The following OR5M10 variants were observed in gnomAD, a reference collection of about 807,000 sequenced individuals.
The protein encoded by OR5M10 is olfactory receptor family 5 subfamily M member 10.
For synonymous variants in OR5M10, 149 were observed against 144.8 expected (o/e 1.03, Z -0.21); for missense variants, 387 against 376.4 (o/e 1.03, Z -0.23).
In OR5M10 at chr11:56,577,671, C is replaced by G; in HGVS notation, c.51G>C (p.Leu17=). The G allele has an allele frequency of 1.2e-6, 2 of 1,613,630 alleles. No homozygotes were observed. Among genetic ancestry groups the G allele is most frequent in the South Asian group, 1.1e-5 (1 of 91,072 alleles). The change falls in exon 1 of 1, where the codon CTG becomes CTC. Residue 17 remains leucine, a synonymous_variant. Coordinates refer to ENST00000526538, the MANE Select transcript of OR5M10 (RefSeq NM_001004741.1). Reference sequence around the variant, plus strand: ...TCTTCTCTAGCACTGGGTCGTCTGTCAGTCCTAAGAGAATGAATTCTGTCA... The same window carrying G: ...TCTTCTCTAGCACTGGGTCGTCTGTGAGTCCTAAGAGAATGAATTCTGTCA... The part of the protein sequence containing the change: ...TIVTEFILLG[L]TDDPVLEKIL...
Position 56,577,536 on chromosome 11 carries a change from G to A in OR5M10, c.186C>T (p.Phe62=), listed in dbSNP as rs765326220. 1.9e-6 allele frequency: 3 copies of A among 1,613,660 alleles called. No individual in the cohort carries two copies. The highest frequency in any genetic ancestry group is 1.1e-5 in the South Asian group (1 of 91,074). Residue 62 remains phenylalanine (F), a synonymous_variant, in exon 1 of 1, where the codon TTC becomes TTT. Coordinates refer to ENST00000526538, the MANE Select transcript of OR5M10 (RefSeq NM_001004741.1). ...NSQLQTPMYF[F]LGHLSFVDIC... ...TGTCTACAAAGGAGAGGTGACCAAG[G>A]AAGAAATACATGGGTGTTTGCAGTT...
chr11:56,576,835 T>G lies in OR5M10; in HGVS notation c.887A>C (p.Asp296Ala), dbSNP rs761080585. 4.6e-5 allele frequency: 75 copies of G among 1,613,772 alleles called. No homozygotes were observed. The highest frequency in any genetic ancestry group is 6.4e-5 in the Non-Finnish European group (75 of 1,179,852). The change falls in exon 1 of 1, where the codon GAT becomes GCT. Residue 296 changes from aspartate to alanine, a missense_variant. Transcript: ENST00000526538. ...CATTTGTTGTATGGCAAGGATTACA[T>G]CTCTGTTCCGTAGGCTATAGATCAA... ...NPLIYSLRNR[D>A]VILAIQQMIR...
rs1351883333 is a variant in OR5M10, at chr11:56,576,795, G to T, written c.927C>A (p.Ser309=). Residue 309 remains serine (S), a synonymous_variant, in exon 1 of 1, where the codon TCC becomes TCA. Transcript: ENST00000526538. ...LAIQQMIRGK[S]FCKIAV is the part of the protein sequence containing the mutation. ...AGGCCTAAACTGCAATTTTACAAAA[G>T]GATTTTCCCCTAATCATTTGTTGTA... 6.2e-7 allele frequency: 1 copy of T among 1,610,106 alleles called. No individual in the cohort carries two copies. Among genetic ancestry groups the T allele is most frequent in the East Asian group, 2.2e-5 (1 of 44,858 alleles).
chr11:56,577,072 G>A lies in OR5M10; in HGVS notation c.650C>T (p.Ser217Phe). The stretch of plus-strand genomic sequence containing the variant: ...GATCGCTGCAAAAATGAAAAGATAG[G>A]ACAGAAGAATGATGAAGAGAGAGCT... ...LSSSLFIILL[S>F]YLFIFAAIFR... is the part of the protein sequence containing the mutation. The change falls in exon 1 of 1, where the codon TCC becomes TTC. Residue 217 changes from serine to phenylalanine, a missense_variant. Transcript: ENST00000526538. 1 of 1,613,796 alleles carries A rather than the reference G, an allele frequency of 6.2e-7. No individual in the cohort carries two copies. Among genetic ancestry groups the A allele is most frequent in the Non-Finnish European group, 8.5e-7 (1 of 1,179,848 alleles).
In OR5M10 at chr11:56,576,909, G is replaced by C. The variant is rs759747977; in HGVS notation, c.813C>G (p.Ser271=). The change falls in exon 1 of 1, where the codon TCC becomes TCG. Residue 271 remains serine, a synonymous_variant. Transcript: ENST00000526538. ...AAGTATAAAAGACTGCAATTATTTT[G>C]GACTCCTCTACAGACTTCTCTGATG... ...RPPSEKSVEE[S]KIIAVFYTFL... 50 of 1,613,724 alleles carry C rather than the reference G, an allele frequency of 3.1e-5. No individual in the cohort carries two copies. Among genetic ancestry groups the C allele is most frequent in the Non-Finnish European group, 1.7e-6 (2 of 1,179,892 alleles).
Position 56,577,036 on chromosome 11 carries a change from C to G in OR5M10, c.686G>C (p.Arg229Pro). Residue 229 changes from arginine (R) to proline (P), a missense_variant, in exon 1 of 1, where the codon CGT becomes CCT. Coordinates refer to ENST00000526538, the MANE Select transcript of OR5M10 (RefSeq NM_001004741.1). ...LFIFAAIFRI[R>P]SAEGRHKAFS... ...GGCTTTGTGCCTGCCTTCAGCAGAA[C>G]GGATCCTGAAGATCGCTGCAAAAAT... 1.9e-6 allele frequency: 3 copies of G among 1,613,694 alleles called. No individual in the cohort carries two copies. Among genetic ancestry groups the G allele is most frequent in the Non-Finnish European group, 2.5e-6 (3 of 1,179,874 alleles).
In OR5M10 at chr11:56,577,532, C is replaced by T. The variant is rs1853271241; in HGVS notation, c.190G>A (p.Gly64Ser). 1.2e-6 allele frequency: 2 copies of T among 1,613,426 alleles called. No individual in the cohort carries two copies. The highest frequency in any genetic ancestry group is 1.3e-5 in the African/African-American group (1 of 74,744). ...CAAATGTCTACAAAGGAGAGGTGAC[C>T]AAGGAAGAAATACATGGGTGTTTGC... ...QLQTPMYFFL[G>S]HLSFVDICYS... Residue 64 changes from glycine (G) to serine (S), a missense_variant, in exon 1 of 1, where the codon GGT becomes AGT. Physicochemically the swap from Gly to Ser is moderately conservative, Grantham distance 56. Coordinates refer to ENST00000526538, the MANE Select transcript of OR5M10 (RefSeq NM_001004741.1).
rs752805724 is a variant in OR5M10, at chr11:56,577,357, C to A, written c.365G>T (p.Arg122Leu). 2.5e-6 allele frequency: 4 copies of A among 1,612,952 alleles called. No individual in the cohort carries two copies. The highest frequency in any genetic ancestry group is 1.1e-5 in the South Asian group (1 of 91,046). Residue 122 changes from arginine to leucine, a missense_variant, in exon 1 of 1, where the codon CGC becomes CTC. Physicochemically the swap from Arg to Leu is moderately radical, Grantham distance 102. Transcript: ENST00000526538. ...TAAAGGGCTGCAAATGGCTACATAG[C>A]GATCCAATGCCATTGAAGCAAGGAA... ...FYFLASMALD[R>L]YVAICSPLHY...
In OR5M10 at chr11:56,577,067, G is replaced by T. The variant is rs1347109075; in HGVS notation, c.655C>A (p.Leu219Ile). The change falls in exon 1 of 1, where the codon CTT becomes ATT. Residue 219 changes from leucine to isoleucine, a missense_variant. Coordinates refer to ENST00000526538, the MANE Select transcript of OR5M10 (RefSeq NM_001004741.1). Reference protein sequence around the residue: ...SSLFIILLSYLFIFAAIFRIR... With the variant: ...SSLFIILLSYIFIFAAIFRIR... ...CTGAAGATCGCTGCAAAAATGAAAAGATAGGACAGAAGAATGATGAAGAGA... is the reference window on the plus strand; with the variant it reads ...CTGAAGATCGCTGCAAAAATGAAAATATAGGACAGAAGAATGATGAAGAGA... The T allele has an allele frequency of 6.2e-7, 1 of 1,613,700 alleles. No homozygotes were observed. The highest frequency in any genetic ancestry group is 8.5e-7 in the Non-Finnish European group (1 of 1,179,862).
At position 56,577,376 on chromosome 11, in the gene OR5M10, C is replaced by A; in HGVS notation, c.346G>T (p.Ala116Ser). Residue 116 changes from alanine to serine, a missense_variant, in exon 1 of 1, where the codon GCT becomes TCT. Coordinates refer to ENST00000526538, the MANE Select transcript of OR5M10 (RefSeq NM_001004741.1). ...ACATAGCGATCCAATGCCATTGAAG[C>A]AAGGAAGTAAAACTCAGTGATCACT... ...ALVITEFYFL[A>S]SMALDRYVAI... is the part of the protein sequence containing the mutation. 1 of 1,582,982 alleles carries A rather than the reference C, an allele frequency of 6.3e-7. No individual in the cohort carries two copies. Among genetic ancestry groups the A allele is most frequent in the Non-Finnish European group, 8.6e-7 (1 of 1,156,426 alleles).
Position 56,577,607 on chromosome 11 carries a change from G to T in OR5M10, c.115C>A (p.Leu39Met). 1 of 1,613,648 alleles carries T rather than the reference G, an allele frequency of 6.2e-7. No homozygotes were observed. Among genetic ancestry groups the T allele is most frequent in the Middle Eastern group, 1.7e-4 (1 of 6,056 alleles). Residue 39 changes from leucine to methionine, a missense_variant, in exon 1 of 1, where the codon CTG becomes ATG. Physicochemically the swap from Leu to Met is conservative, Grantham distance 15 (BLOSUM62 2). Transcript: ENST00000526538. ...GVFLAIYLIT[L>M]AGNLCMILLI... ...AGGATCATGCACAGGTTGCCTGCCA[G>T]TGTGATTAGGTAGATCGCCAGGAAC... is the stretch of plus-strand genomic sequence containing the variant.
At position 56,576,930 on chromosome 11, in the gene OR5M10, T is replaced by A; in HGVS notation, c.792A>T (p.Ser264=). Residue 264 remains serine (S), a synonymous_variant, in exon 1 of 1, where the codon TCA becomes TCT. Transcript: ENST00000526538. The stretch of plus-strand genomic sequence containing the variant: ...TTTTGGACTCCTCTACAGACTTCTC[T>A]GATGGAGGCCTTACGTACATGCAGA... ...TLFCMYVRPP[S]EKSVEESKII... 1 of 1,613,916 alleles carries A rather than the reference T, an allele frequency of 6.2e-7. No homozygotes were observed. The highest frequency in any genetic ancestry group is 8.5e-7 in the Non-Finnish European group (1 of 1,179,876).
Position 56,577,319 on chromosome 11 carries a change from T to C in OR5M10, c.403A>G (p.Arg135Gly), listed in dbSNP as rs1166465343. 7 of 1,613,842 alleles carry C rather than the reference T, an allele frequency of 4.3e-6. No individual in the cohort carries two copies. In the East Asian group the frequency reaches 6.7e-5, roughly 15 times the overall value. Reference protein sequence around the residue: ...AICSPLHYSSRMSKNICISLV... With the variant: ...AICSPLHYSSGMSKNICISLV... Reference sequence around the variant, plus strand: ...GAGATGCAAATGTTCTTGGACATCCTGGAACTGTAATGTAAAGGGCTGCAA... The same window carrying C: ...GAGATGCAAATGTTCTTGGACATCCCGGAACTGTAATGTAAAGGGCTGCAA... The change falls in exon 1 of 1, where the codon AGG (arginine) becomes GGG (glycine). Residue 135 changes from arginine to glycine, a missense_variant. Arg to Gly is a moderately radical substitution (Grantham distance 125). Coordinates refer to ENST00000526538, the MANE Select transcript of OR5M10 (RefSeq NM_001004741.1).
In OR5M10 at chr11:56,576,898, G is replaced by A. The variant is rs762888666; in HGVS notation, c.824C>T (p.Ala275Val). 3.0e-5 allele frequency: 48 copies of A among 1,613,754 alleles called. No individual in the cohort carries two copies. Among genetic ancestry groups the A allele is most frequent in the Non-Finnish European group, 6.8e-6 (8 of 1,179,900 alleles). Reference protein sequence around the residue: ...EKSVEESKIIAVFYTFLSPML... With the variant: ...EKSVEESKIIVVFYTFLSPML... ...TGGGCTCAAAAAAGTATAAAAGACTGCAATTATTTTGGACTCCTCTACAGA... is the reference window on the plus strand; with the variant it reads ...TGGGCTCAAAAAAGTATAAAAGACTACAATTATTTTGGACTCCTCTACAGA... Residue 275 changes from alanine (A) to valine (V), a missense_variant, in exon 1 of 1, where the codon GCA becomes GTA. Transcript: ENST00000526538.
At position 56,576,903 on chromosome 11, in the gene OR5M10, T is replaced by G; in HGVS notation, c.819A>C (p.Ile273=). 1.2e-6 allele frequency: 2 copies of G among 1,613,876 alleles called. No individual in the cohort carries two copies. The highest frequency in any genetic ancestry group is 1.7e-6 in the Non-Finnish European group (2 of 1,179,890). ...TCAAAAAAGTATAAAAGACTGCAAT[T>G]ATTTTGGACTCCTCTACAGACTTCT... ...PSEKSVEESK[I]IAVFYTFLSP... Residue 273 remains isoleucine (I), a synonymous_variant, in exon 1 of 1, where the codon ATA becomes ATC. Transcript: ENST00000526538.
rs986344158 is a variant in OR5M10, at chr11:56,577,351, A to G, written c.371T>C (p.Val124Ala). 6.2e-7 allele frequency: 1 copy of G among 1,613,428 alleles called. No homozygotes were observed. The highest frequency in any genetic ancestry group is 8.5e-7 in the Non-Finnish European group (1 of 1,179,590). The stretch of plus-strand genomic sequence containing the variant: ...GTAATGTAAAGGGCTGCAAATGGCT[A>G]CATAGCGATCCAATGCCATTGAAGC... Reference protein sequence around the residue: ...FLASMALDRYVAICSPLHYSS... With the variant: ...FLASMALDRYAAICSPLHYSS... The change falls in exon 1 of 1, where the codon GTA (valine) becomes GCA (alanine). Residue 124 changes from valine (V) to alanine (A), a missense_variant. Val to Ala is a moderately conservative substitution (Grantham distance 64). Coordinates refer to ENST00000526538, the MANE Select transcript of OR5M10 (RefSeq NM_001004741.1).
Position 56,577,216 on chromosome 11 carries a change from C to T in OR5M10, c.506G>A (p.Cys169Tyr). 1 of 1,613,776 alleles carries T rather than the reference C, an allele frequency of 6.2e-7. No homozygotes were observed. The highest frequency in any genetic ancestry group is 1.1e-5 in the South Asian group (1 of 91,080). Residue 169 changes from cysteine (C) to tyrosine (Y), a missense_variant, in exon 1 of 1, where the codon TGT becomes TAT. Coordinates refer to ENST00000526538, the MANE Select transcript of OR5M10 (RefSeq NM_001004741.1). ...GAAATGATTGATTTCAAGGGAGCCA[C>T]AGAAGGATAAGTGAAAGGTCAGCAG... ...QTLLTFHLSF[C>Y]GSLEINHFYC... is the part of the protein sequence containing the mutation.
Position 56,577,232 on chromosome 11 carries a change from A to G in OR5M10, c.490T>C (p.Phe164Leu), listed in dbSNP as rs376799561. 4 of 1,613,824 alleles carry G rather than the reference A, an allele frequency of 2.5e-6. No individual in the cohort carries two copies. The highest frequency in any genetic ancestry group is 2.7e-5 in the African/African-American group (2 of 74,840). Residue 164 changes from phenylalanine (F) to leucine (L), a missense_variant, in exon 1 of 1, where the codon TTT becomes CTT. Transcript: ENST00000526538. ...LNGLSQTLLT[F>L]HLSFCGSLEI... ...AGGGAGCCACAGAAGGATAAGTGAAAGGTCAGCAGTGTCTGAGAGAGCCCA... is the reference window on the plus strand; with the variant it reads ...AGGGAGCCACAGAAGGATAAGTGAAGGGTCAGCAGTGTCTGAGAGAGCCCA...
At position 56,576,789 on chromosome 11, in the gene OR5M10, A is replaced by G. The variant is rs751338495; in HGVS notation, c.933T>C (p.Cys311=). ...IQQMIRGKSF[C]KIAV Reference sequence around the variant, plus strand: ...AAACACAGGCCTAAACTGCAATTTTACAAAAGGATTTTCCCCTAATCATTT... The same window carrying G: ...AAACACAGGCCTAAACTGCAATTTTGCAAAAGGATTTTCCCCTAATCATTT... Residue 311 remains cysteine, a synonymous_variant, in exon 1 of 1, where the codon TGT becomes TGC. Coordinates refer to ENST00000526538, the MANE Select transcript of OR5M10 (RefSeq NM_001004741.1). The G allele has an allele frequency of 3.3e-5, 53 of 1,609,140 alleles. No individual in the cohort carries two copies. Among genetic ancestry groups the G allele is most frequent in the Non-Finnish European group, 4.5e-5 (53 of 1,178,148 alleles).
Sources: allele counts gnomAD v4.1 joint callset, GRCh38; gene constraint gnomAD v4.1.1; transcripts MANE v1.5; gene names NCBI Gene and HGNC (gene_info 2026-07-23, HGNC 2026-07-21).